The following GPR137C variants were observed in gnomAD, a reference collection of about 807,000 sequenced individuals.
GPR137C encodes the protein G protein-coupled receptor 137C, also known as integral membrane protein GPR137C.
In GPR137C, 27 loss-of-function variants were observed where a neutral mutation model predicts 43.4. The observed-to-expected ratio is 0.62, with a 90% confidence interval of 0.46 to 0.86. The LOEUF (loss-of-function observed/expected upper bound fraction) is 0.86, where lower values mean the gene tolerates loss of function less well. Ranked by LOEUF, GPR137C falls within the 40% of genes least tolerant of loss-of-function variation. The pLI, the probability that GPR137C is intolerant of heterozygous loss-of-function variation, is 0.00. For synonymous variants in GPR137C, 285 were observed against 226.9 expected (o/e 1.26, Z -2.30); for missense variants, 522 against 534.6 (o/e 0.98, Z 0.23).
chr14:52,555,918 G>A (rs561228112), intron 1 of GPR137C, among the ~76,000 whole-genome samples: 20 of 152,220 alleles, frequency 1.3e-4, no homozygotes, highest in East Asian at 9.6e-4. Context: ...AAATCTCCAG[G>A]AACCTGTATT....
At chr14:52,555,228 A>T (rs1338753796) in intron 1 of GPR137C, among the ~76,000 whole-genome samples, 2 of 152,260 alleles carry the variant, frequency 1.3e-5, no homozygotes, top group Middle Eastern at 3.4e-3. Flanking sequence ...ATTTTGATTT[A>T]CAAAATAATA....
intron 1 of GPR137C, among the ~76,000 whole-genome samples, chr14:52,578,770 C>T (rs10133850): frequency 0.13 from 19,996 of 151,992 alleles, 1,397 homozygotes; most frequent in Non-Finnish European, 0.15. Context: ...GTGGCAAAAC[C>T]GTGTCTCTAC....
At chr14:52,603,239 A>G (rs568168353) in intron 3 of GPR137C, among the ~76,000 whole-genome samples, 1 of 152,182 alleles carries the variant, frequency 6.6e-6, no homozygotes. Flanking sequence ...TAACATAATG[A>G]ACTCCAGGTC....
chr14:52,554,583 G>A (rs552917396), intron 1 of GPR137C, among the ~76,000 whole-genome samples: 1 of 152,092 alleles, frequency 6.6e-6, no homozygotes, highest in African/African-American at 2.4e-5. Context: ...AGAAAAGCTT[G>A]AGGAGGGGAG....
At chr14:52,614,512 C>T (rs2039076565) in intron 3 of GPR137C, among the ~76,000 whole-genome samples, 1 of 151,736 alleles carries the variant, frequency 6.6e-6, no homozygotes, top group Admixed American at 6.6e-5. Context: ...TTTTTTGAAA[C>T]AGTGACACTC....
chr14:52,636,453 T>C lies in GPR137C; in HGVS notation c.*1338T>C, dbSNP rs953868755. ...AAGGGAACAAGCAACATTGGGAAGT[T>C]GTCACAACATGCTCAAAGACAAACT... On this transcript the variant is annotated 3_prime_UTR_variant, in exon 7 of 7. Transcript: ENST00000321662. 1 of 152,096 alleles carries C rather than the reference T, an allele frequency of 6.6e-6. No individual in the cohort carries two copies. Among genetic ancestry groups the C allele is most frequent in the Non-Finnish European group, 1.5e-5 (1 of 67,982 alleles). The allele number at this position is 152,096 out of a possible 1,614,324, so 9.4% of individuals were successfully genotyped here.
chr14:52,623,403 C>A (rs183241764), intron 3 of GPR137C, among the ~76,000 whole-genome samples: 1 of 152,052 alleles, frequency 6.6e-6, no homozygotes, highest in South Asian at 2.1e-4. Flanking sequence ...TTGGCCAATG[C>A]GATATAATAA....
intron 3 of GPR137C, among the ~76,000 whole-genome samples, chr14:52,616,595 T>C (rs922216890): frequency 6.6e-6 from 1 of 151,964 alleles, no homozygotes; most frequent in Non-Finnish European, 1.5e-5. Flanking sequence ...CCCCCAGCCA[T>C]GTTAGGTTCC....
At position 52,581,669 on chromosome 14, in the gene GPR137C, A is replaced by G. The variant is rs75696416; in HGVS notation, c.445-16603A>G. Among the ~76,000 whole-genome samples, 966 of 152,324 alleles carry G rather than the reference A, an allele frequency of 6.3e-3. 6 individuals are homozygous for G. The highest frequency in any genetic ancestry group is 0.022 in the African/African-American group (897 of 41,564). On this transcript the variant is annotated intron_variant, in intron 1 of 6. Coordinates refer to ENST00000321662, the MANE Select transcript of GPR137C (RefSeq NM_001099652.2). ...GCTTGGGAATGGTGCGCTACTCTCT[A>G]TAGGAACTTAAGCAATTGATATGGA... is the stretch of plus-strand genomic sequence containing the variant.
intron 1 of GPR137C, among the ~76,000 whole-genome samples, chr14:52,585,957 A>G (rs564523253): frequency 1.1e-3 from 160 of 152,304 alleles, no homozygotes; most frequent in Non-Finnish European, 1.4e-3. Context: ...AAAGCCCCCA[A>G]ATTCATAGGG....
rs184122509 is a variant in GPR137C at position 52,594,099 on chromosome 14, T to C, written c.445-4173T>C. On this transcript the variant is annotated intron_variant, in intron 1 of 6. Transcript: ENST00000321662. The stretch of plus-strand genomic sequence containing the variant: ...CATTTCATTATTTACCCAGTAGTCA[T>C]TCAGGAGCAGGTTGTTCAATTTCCA... Among the ~76,000 whole-genome samples the C allele has an allele frequency of 2.0e-3, 306 of 152,334 alleles. 1 individual carries two copies. The highest frequency in any genetic ancestry group is 7.3e-3 in the African/African-American group (302 of 41,570).
chr14:52,574,900 G>A (rs1281198591), intron 1 of GPR137C, among the ~76,000 whole-genome samples: 5 of 152,092 alleles, frequency 3.3e-5, no homozygotes, highest in African/African-American at 1.2e-4. Flanking sequence ...CAAAAAGCAT[G>A]AATGGTTTTA....
intron 1 of GPR137C, among the ~76,000 whole-genome samples, chr14:52,566,585 G>A (rs1373715514): frequency 6.6e-6 from 1 of 152,164 alleles, no homozygotes; most frequent in East Asian, 1.9e-4. Context: ...TAAACAGCAG[G>A]ACTGACAGCA....
chr14:52,560,995 TATAACTC>T lies in GPR137C; in HGVS notation c.444+7406_444+7412del, dbSNP rs1470014391. ...ACGTTTATCCAAAACATAAAGAACT[TATAACTC>T]AATAAGAAAATCCAGTAAAAATGAA... On this transcript the variant is annotated intron_variant, in intron 1 of 6. Transcript: ENST00000321662. 3.3e-5 allele frequency among the ~76,000 whole-genome samples: 5 copies of T among 152,126 alleles called. No homozygotes were observed. The East Asian group carries it at 7.7e-4, about 23-fold the overall frequency.
intron 1 of GPR137C, among the ~76,000 whole-genome samples, chr14:52,562,818 TC>T (rs1201300121): frequency 2.0e-5 from 3 of 152,166 alleles, no homozygotes; most frequent in African/African-American, 4.8e-5. Context: ...AATAAGCTAA[TC>T]ATCTAATTTA....
chr14:52,557,501 T>C (rs2038212509), intron 1 of GPR137C, among the ~76,000 whole-genome samples: 1 of 152,218 alleles, frequency 6.6e-6, no homozygotes, highest in Non-Finnish European at 1.5e-5. Flanking sequence ...AGTTACTGTT[T>C]ACCAGAAATA....
intron 1 of GPR137C, among the ~76,000 whole-genome samples, chr14:52,587,797 G>A (rs2038731405): frequency 6.6e-6 from 1 of 152,070 alleles, no homozygotes; most frequent in Admixed American, 6.6e-5. Flanking sequence ...TAATAATTCA[G>A]AATAACTAAA....
chr14:52,596,141 C>T (rs1472546552), intron 1 of GPR137C, among the ~76,000 whole-genome samples: 2 of 152,152 alleles, frequency 1.3e-5, no homozygotes, highest in Admixed American at 6.6e-5. Flanking sequence ...CTGGGTATCA[C>T]CAGGGGAGGC....
chr14:52,594,107 C>G (rs2038819338), intron 1 of GPR137C, among the ~76,000 whole-genome samples: 1 of 152,146 alleles, frequency 6.6e-6, no homozygotes, highest in African/African-American at 2.4e-5. Context: ...CATTCAGGAG[C>G]AGGTTGTTCA....
Sources: gnomAD v4.1 joint callset for allele counts (sites outside exome capture counted in the v4.1 genomes callset) on GRCh38, gnomAD v4.1.1 for gene constraint, MANE v1.5 for transcripts, NCBI Gene and HGNC (gene_info 2026-07-23, HGNC 2026-07-21) for gene names.